The following SHPK variants were observed in gnomAD, a reference collection of about 807,000 sequenced individuals.
SHPK encodes the protein carbohydrate kinase-like protein.
In SHPK, 51 loss-of-function variants were observed where a neutral mutation model predicts 46.3. The ratio of observed to expected loss-of-function variants is 1.10; its 90% CI spans 0.88 to 1.39. The LOEUF is 1.39. Among genes scored for constraint, SHPK ranks in the 40% most tolerant of loss-of-function variants. The pLI is 0.00. For synonymous variants in SHPK, 290 were observed against 273.9 expected (o/e 1.06, Z -0.58); for missense variants, 668 against 641.3 (o/e 1.04, Z -0.45).
chr17:3,626,115 G>GA (rs1330321879), intron 2 of SHPK, among the ~76,000 whole-genome samples: 2 of 152,220 alleles, frequency 1.3e-5, no homozygotes, highest in African/African-American at 2.4e-5. Context: ...TGCTGCTGTT[G>GA]AAAAAAATCT....
intron 2 of SHPK, among the ~76,000 whole-genome samples, chr17:3,624,986 T>C (rs1394118396): frequency 7.0e-6 from 1 of 142,300 alleles, no homozygotes; most frequent in Non-Finnish European, 1.5e-5. Flanking sequence ...AAATTTACTT[T>C]AAAATCATCT....
intron 4 of SHPK, 89 bp downstream of exon 4, chr17:3,623,250 A>G: frequency 6.8e-7 from 1 of 1,472,206 alleles, no homozygotes; most frequent in Admixed American, 1.7e-5. Flanking sequence ...CACCACTCCC[A>G]GATGGGAAAG....
intron 4 of SHPK, 67 bp from the exon 5 acceptor site, chr17:3,621,479 CTTCCTTCCTCCCTTCCTTCTCTCCA>C: frequency 1.4e-6 from 2 of 1,442,730 alleles, no homozygotes; most frequent in Non-Finnish European, 1.9e-6. Context: ...GGGATCCTTC[CTTCCTTCCTCCCTTCCTTCTCTCCA>C]TTCCTCCCTC....
At chr17:3,619,472 C>G in intron 5 of SHPK, 1 of 1,042,176 alleles carries the variant, frequency 9.6e-7, no homozygotes. Flanking sequence ...CGATGGCTCA[C>G]ACCTGTAATC....
At chr17:3,630,691 C>T (rs573180382) in intron 1 of SHPK, among the ~76,000 whole-genome samples, 2 of 152,252 alleles carry the variant, frequency 1.3e-5, no homozygotes, top group East Asian at 1.9e-4. Context: ...GATGAAACCC[C>T]GTCTCTACTA....
chr17:3,633,136 G>A (rs758738684), intron 1 of SHPK, among the ~76,000 whole-genome samples: 8 of 151,258 alleles, frequency 5.3e-5, no homozygotes, highest in African/African-American at 1.5e-4. Flanking sequence ...GCATCACCAC[G>A]CCCGGCTAAT....
At chr17:3,620,368 C>G (rs2075392984) in intron 5 of SHPK, among the ~76,000 whole-genome samples, 1 of 151,866 alleles carries the variant, frequency 6.6e-6, no homozygotes, top group African/African-American at 2.4e-5. Flanking sequence ...TCACACCATT[C>G]TCCTGCCTCA....
chr17:3,627,962 G>A (rs531954700), intron 2 of SHPK, among the ~76,000 whole-genome samples: 25 of 151,952 alleles, frequency 1.6e-4, no homozygotes, highest in African/African-American at 5.3e-4. Context: ...CGGCCCCGGC[G>A]GGTCTGATGA....
At chr17:3,624,547 T>C (rs1190140290) in intron 2 of SHPK, among the ~76,000 whole-genome samples, 1 of 152,202 alleles carries the variant, frequency 6.6e-6, no homozygotes, top group East Asian at 1.9e-4. Context: ...CCCTGGTCTC[T>C]GTCCCTCCAA....
chr17:3,612,341 G>A (rs893526463), intron 6 of SHPK, among the ~76,000 whole-genome samples: 4 of 151,050 alleles, frequency 2.6e-5, no homozygotes, highest in East Asian at 2.0e-4. Context: ...CATGAGAAAC[G>A]CTTGAACCCA....
At chr17:3,617,167 C>T (rs1319467512) in intron 5 of SHPK, among the ~76,000 whole-genome samples, 3 of 152,130 alleles carry the variant, frequency 2.0e-5, no homozygotes, top group Non-Finnish European at 2.9e-5. Context: ...CCAATGCACC[C>T]GGCCAAGTTT....
intron 4 of SHPK, among the ~76,000 whole-genome samples, chr17:3,621,985 C>G (rs2075406455): frequency 6.6e-6 from 1 of 151,964 alleles, no homozygotes; most frequent in Non-Finnish European, 1.5e-5. Context: ...GGGTCTAGCT[C>G]TGTTACCCAG....
chr17:3,622,055 A>G (rs1259481865), intron 4 of SHPK, among the ~76,000 whole-genome samples: 1 of 151,940 alleles, frequency 6.6e-6, no homozygotes, highest in African/African-American at 2.4e-5. Flanking sequence ...GGCTCAAGCA[A>G]TTCTCCCACC....
intron 1 of SHPK, among the ~76,000 whole-genome samples, chr17:3,631,715 G>A (rs1404706480): frequency 1.3e-5 from 2 of 151,230 alleles, no homozygotes; most frequent in Non-Finnish European, 2.9e-5. Context: ...TAGAGACGGG[G>A]TTTCGCCACG....
At chr17:3,629,628 T>C (rs912025762) in intron 2 of SHPK, among the ~76,000 whole-genome samples, 3 of 150,872 alleles carry the variant, frequency 2.0e-5, no homozygotes, top group Admixed American at 1.3e-4. Context: ...CTCTGGAGGC[T>C]GAGGCAGGAA....
chr17:3,634,609 A>C (rs1420951841), intron 1 of SHPK, among the ~76,000 whole-genome samples: 1 of 148,934 alleles, frequency 6.7e-6, no homozygotes. Context: ...GCTCTATTTC[A>C]GGAGAAACTG....
At chr17:3,624,583 T>C (rs904902413) in intron 2 of SHPK, among the ~76,000 whole-genome samples, 1 of 152,210 alleles carries the variant, frequency 6.6e-6, no homozygotes, top group Non-Finnish European at 1.5e-5. Context: ...TATCTAGGCT[T>C]ACTGCTACTT....
rs371958939 is a variant in SHPK, at chr17:3,631,512, C to CTTTTTTTTTTTTTTTTTTTT, written c.169-1186_169-1167dup. On this transcript the variant is annotated intron_variant, in intron 1 of 6. Transcript: ENST00000225519. ...AAAATATACACTATCTAATTTAATG[C>CTTTTTTTTTTTTTTTTTTTT]TTTTTTTTTTTTTTTTTTTTTTTTT... 3.0e-4 allele frequency among the ~76,000 whole-genome samples: 16 copies of CTTTTTTTTTTTTTTTTTTTT among 53,052 alleles called. 7 individuals carry two copies. Among genetic ancestry groups the CTTTTTTTTTTTTTTTTTTTT allele is most frequent in the African/African-American group, 1.3e-3 (15 of 11,294 alleles). The allele number at this position is 53,052 out of a possible 152,430, so 34.8% of individuals were successfully genotyped here.
chr17:3,630,093 C>G, intron 2 of SHPK, 112 bp downstream of exon 2: 1 of 1,343,704 alleles, frequency 7.4e-7, no homozygotes, highest in Non-Finnish European at 1.1e-6. Context: ...AGAAACAAGA[C>G]CCTATTCCCA....
Sources: allele counts gnomAD v4.1 joint callset (sites outside exome capture counted in the v4.1 genomes callset), GRCh38; gene constraint gnomAD v4.1.1; transcripts MANE v1.5; gene names NCBI Gene and HGNC (gene_info 2026-07-23, HGNC 2026-07-21).